HAUS7: variants seen among roughly 807,000 people sequenced by gnomAD.
HAUS7 encodes the protein HAUS augmin like complex subunit 7.
Under a neutral mutation model 28.4 loss-of-function variants are expected in HAUS7, and 3 were observed. The ratio of observed to expected loss-of-function variants is 0.11; its 90% CI spans 0.05 to 0.27. HAUS7 has a LOEUF of 0.27. Among genes scored for constraint, HAUS7 ranks in the 10% least tolerant of loss-of-function variants. The probability of loss-of-function intolerance (pLI) is 1.00; values close to 1 mark genes in which losing one functional copy is unlikely to be tolerated. For synonymous variants in HAUS7, 165 were observed against 132.1 expected (o/e 1.25, Z -1.71); for missense variants, 284 against 297.3 (o/e 0.96, Z 0.33).
chrX:153,489,581 G>A (rs932979657), intron 1 of HAUS7, among the ~76,000 whole-genome samples: 1 of 112,512 alleles, frequency 8.9e-6, no homozygotes, highest in Non-Finnish European at 1.9e-5. Flanking sequence ...TGGGGATGCT[G>A]AGGTGATGGG....
At chrX:153,450,374 C>T (rs997913627) in intron 9 of HAUS7, among the ~76,000 whole-genome samples, 6 of 111,772 alleles carry the variant, frequency 5.4e-5, no homozygotes, top group Admixed American at 2.8e-4. Flanking sequence ...AGGGTCTCGC[C>T]GGGGAGGTGG....
intron 1 of HAUS7, chrX:153,485,993 C>G (rs782377322): frequency 2.9e-5 from 28 of 979,180 alleles, no homozygotes; most frequent in Non-Finnish European, 3.6e-5. Flanking sequence ...GCGCGCCTCG[C>G]TGGCGGAGCT....
At chrX:153,479,749 C>T (rs1292694134) in intron 1 of HAUS7, among the ~76,000 whole-genome samples, 4 of 110,669 alleles carry the variant, frequency 3.6e-5, no homozygotes, top group Non-Finnish European at 7.6e-5. Flanking sequence ...TGGCCTTTGT[C>T]TTATAGGCCA....
chrX:153,453,641 C>T (rs1213113990), intron 9 of HAUS7, among the ~76,000 whole-genome samples: 1 of 109,102 alleles, frequency 9.2e-6, no homozygotes, highest in African/African-American at 3.3e-5. Flanking sequence ...TTAATAATTA[C>T]CAAGAGTGAT....
At chrX:153,494,621 G>A (rs991472431) in intron 1 of HAUS7, among the ~76,000 whole-genome samples, 3 of 111,080 alleles carry the variant, frequency 2.7e-5, no homozygotes, top group South Asian at 3.8e-4. Flanking sequence ...TCTGCCTGGC[G>A]AGATGCCAGC....
chrX:153,485,746 G>A, intron 1 of HAUS7: 1 of 821,938 alleles, frequency 1.2e-6, no homozygotes, highest in Non-Finnish European at 1.5e-6. Flanking sequence ...AGCTCCCTCT[G>A]CCCCTGTGTG....
chrX:153,462,470 ACC>A (rs782153677), intron 4 of HAUS7, 138 bp downstream of exon 4: 2 of 538,146 alleles, frequency 3.7e-6, no homozygotes, highest in East Asian at 7.3e-5. Flanking sequence ...CTGCCCGGGC[ACC>A]CAGCCGGCCC....
chrX:153,461,876 C>G (rs782744828), intron 4 of HAUS7: 54 of 323,995 alleles, frequency 1.7e-4, no homozygotes, highest in Non-Finnish European at 2.6e-4. Context: ...CCCAGCAATT[C>G]CACTCCCAGC....
upstream of HAUS7, chrX:153,471,234 TAATGGAGCTAATGAGAGC>T: frequency 4.1e-6 from 1 of 241,171 alleles, no homozygotes; most frequent in Non-Finnish European, 7.9e-6. Flanking sequence ...TGCCCTCACC[TAATGGAGCTAATGAGAGC>T]ACCTTACCCA....
intron 1 of HAUS7, among the ~76,000 whole-genome samples, chrX:153,492,606 C>T (rs2089678046): frequency 8.9e-6 from 1 of 111,805 alleles, no homozygotes; most frequent in Non-Finnish European, 1.9e-5. Flanking sequence ...GTGTCTCCCC[C>T]AAGCAGGGTG....
chrX:153,484,064 T>C (rs2089619764), intron 1 of HAUS7, among the ~76,000 whole-genome samples: 1 of 111,863 alleles, frequency 8.9e-6, no homozygotes, highest in Non-Finnish European at 1.9e-5. Flanking sequence ...TAGGGGGCCG[T>C]GCTCCCTCCG....
rs782649644 is a variant in HAUS7, at chrX:153,454,353, G to T, written c.1045+41C>A. Reference sequence around the variant, plus strand: ...AGCACAGAAAAGGAAGCCTGTGCGTGGGGCAGCCCCAGGCAGAGGGCCAGG... The same window carrying T: ...AGCACAGAAAAGGAAGCCTGTGCGTTGGGCAGCCCCAGGCAGAGGGCCAGG... On this transcript the variant is annotated intron_variant, in intron 9 of 9. Transcript: ENST00000370211. The T allele has an allele frequency of 3.9e-6, 3 of 768,816 alleles. No individual in the cohort carries two copies. The Admixed American group carries it at 6.6e-5, about 17-fold the overall frequency. The allele number at this position is 768,816 out of a possible 1,213,427, so 63.4% of individuals were successfully genotyped here. A position where few individuals can be genotyped will look rare whatever the true frequency, so the allele number is the denominator to read the frequency against.
intron 1 of HAUS7, among the ~76,000 whole-genome samples, chrX:153,469,933 G>A: frequency 9.0e-6 from 1 of 111,231 alleles, no homozygotes; most frequent in South Asian, 3.8e-4. Context: ...AGCGGGCCGA[G>A]GGGACCTGGG....
intron 1 of HAUS7, among the ~76,000 whole-genome samples, chrX:153,491,865 GATGCA>G (rs1352167081): frequency 7.9e-5 from 9 of 113,275 alleles, no homozygotes; most frequent in Non-Finnish European, 1.7e-4. Flanking sequence ...CCCGGGCTGG[GATGCA>G]AGGCAAGGCT....
At chrX:153,483,334 G>A in intron 1 of HAUS7, 1 of 755,242 alleles carries the variant, frequency 1.3e-6, no homozygotes, top group Middle Eastern at 6.2e-4. Flanking sequence ...ACCTCATCGA[G>A]GAGGTGGCGG....
intron 4 of HAUS7, among the ~76,000 whole-genome samples, chrX:153,460,888 G>C (rs1407933400): frequency 2.7e-5 from 3 of 112,670 alleles, no homozygotes; most frequent in Non-Finnish European, 5.6e-5. Flanking sequence ...CAGGGAACTA[G>C]AAAGTATCCA....
intron 4 of HAUS7, among the ~76,000 whole-genome samples, chrX:153,458,714 G>A (rs994073524): frequency 4.0e-4 from 45 of 111,807 alleles, no homozygotes; most frequent in African/African-American, 1.5e-3. Flanking sequence ...CTACAGCAAT[G>A]CAGAAGGGTT....
At chrX:153,495,164 T>G (rs1229917012) in intron 1 of HAUS7, 1 of 110,613 alleles carries the variant, frequency 9.0e-6, no homozygotes, top group Non-Finnish European at 1.9e-5. Context: ...TGCCCCTGGC[T>G]CTGCTGCCTC....
At chrX:153,463,582 T>A (rs936057071) in intron 3 of HAUS7, among the ~76,000 whole-genome samples, 1 of 112,296 alleles carries the variant, frequency 8.9e-6, no homozygotes, top group Non-Finnish European at 1.9e-5. Context: ...GCCAGGGGTG[T>A]CGTTACAGCC....
Sources: allele counts gnomAD v4.1 joint callset (sites outside exome capture counted in the v4.1 genomes callset), GRCh38; gene constraint gnomAD v4.1.1; transcripts MANE v1.5; gene names NCBI Gene and HGNC (gene_info 2026-07-23, HGNC 2026-07-21).